The following MEIKIN variants were observed in gnomAD, a reference collection of about 807,000 sequenced individuals.
MEIKIN encodes meiotic kinetochore factor, also known as meiosis-specific kinetochore protein.
chr5:131,901,838 A>T (rs984353674), intron 8 of MEIKIN, among the ~76,000 whole-genome samples: 3 of 152,184 alleles, frequency 2.0e-5, no homozygotes, highest in Non-Finnish European at 2.9e-5. Flanking sequence ...AGAAAAAAAA[A>T]TCCAAAGGGC....
chr5:131,908,241 G>C (rs1000094942), intron 8 of MEIKIN, among the ~76,000 whole-genome samples: 1 of 152,118 alleles, frequency 6.6e-6, no homozygotes, highest in Admixed American at 6.6e-5. Context: ...TCCAGACCAA[G>C]TGAGATTTAC....
intron 8 of MEIKIN, among the ~76,000 whole-genome samples, chr5:131,904,983 CG>C (rs1472941491): frequency 6.6e-6 from 1 of 151,910 alleles, no homozygotes; most frequent in East Asian, 1.9e-4. Flanking sequence ...CAGGGCCTGT[CG>C]GGGGGTTGGA....
Position 131,917,418 on chromosome 5 carries a change from T to C in MEIKIN, c.599-493A>G, listed in dbSNP as rs1471214745. Among the ~76,000 whole-genome samples the C allele has an allele frequency of 2.0e-5, 3 of 151,828 alleles. No individual in the cohort carries two copies. The East Asian group carries it at 5.8e-4, about 29-fold the overall frequency. On this transcript the variant is annotated intron_variant, in intron 6 of 12. Coordinates refer to ENST00000442687, the MANE Select transcript of MEIKIN (RefSeq NM_001303622.2). ...CCATCTCTACTAAAAACACAAAAAT[T>C]AGCCGGCCGTGGCAGCATATGCCTG... is the stretch of plus-strand genomic sequence containing the variant.
At chr5:131,888,485 T>C (rs1750842757) in intron 8 of MEIKIN, among the ~76,000 whole-genome samples, 1 of 152,250 alleles carries the variant, frequency 6.6e-6, no homozygotes, top group Non-Finnish European at 1.5e-5. Flanking sequence ...TTTTCATGTG[T>C]CCGTTGGCTG....
chr5:131,913,278 G>T (rs1389813329), intron 7 of MEIKIN, among the ~76,000 whole-genome samples: 2 of 152,156 alleles, frequency 1.3e-5, no homozygotes, highest in South Asian at 2.1e-4. Context: ...CTTTCAAGAT[G>T]ATCATAATTA....
chr5:131,913,861 T>A (rs1751366633), intron 7 of MEIKIN, among the ~76,000 whole-genome samples: 1 of 152,238 alleles, frequency 6.6e-6, no homozygotes, highest in African/African-American at 2.4e-5. Flanking sequence ...TACAGAGTTC[T>A]ACTATTAGCC....
intron 7 of MEIKIN, among the ~76,000 whole-genome samples, chr5:131,913,909 G>A (rs899632588): frequency 1.3e-5 from 2 of 152,148 alleles, no homozygotes; most frequent in African/African-American, 2.4e-5. Context: ...TCCAAAATTC[G>A]TGTTGAAATT....
intron 9 of MEIKIN, among the ~76,000 whole-genome samples, chr5:131,872,793 T>A (rs1014692091): frequency 6.8e-6 from 1 of 147,066 alleles, no homozygotes. Flanking sequence ...GACTAACAGC[T>A]GATCTCTCGG....
intron 12 of MEIKIN, among the ~76,000 whole-genome samples, chr5:131,808,025 G>A (rs747207575): frequency 9.8e-4 from 150 of 152,304 alleles, no homozygotes; most frequent in Non-Finnish European, 1.4e-3. Context: ...GGGGTCCATG[G>A]ACCAGTTATG....
chr5:131,905,863 A>G (rs771719666), intron 8 of MEIKIN, among the ~76,000 whole-genome samples: 1 of 152,148 alleles, frequency 6.6e-6, no homozygotes, highest in Non-Finnish European at 1.5e-5. Context: ...CTTACACCAT[A>G]AACAGAAATT....
intron 8 of MEIKIN, among the ~76,000 whole-genome samples, chr5:131,885,368 AGAGAGAGAGAGAGAGAGAG>A (rs1750770911): frequency 4.3e-4 from 17 of 39,458 alleles, no homozygotes; most frequent in African/African-American, 1.2e-3. Context: ...AGAGAGAGAG[AGAGAGAGAGAGAGAGAGAG>A]AGAGAGAGAG....
chr5:131,889,243 T>G (rs1750862145), intron 8 of MEIKIN, among the ~76,000 whole-genome samples: 1 of 152,224 alleles, frequency 6.6e-6, no homozygotes, highest in South Asian at 2.1e-4. Flanking sequence ...TCCAGTTCTG[T>G]GAAGAAAGTC....
chr5:131,884,317 C>G (rs4425498), intron 8 of MEIKIN, among the ~76,000 whole-genome samples: 130,292 of 152,030 alleles, frequency 0.86, 55,928 homozygotes, highest in Admixed American at 0.89. Context: ...AGAGAAAAGA[C>G]TAAAGAGGAC....
At chr5:131,815,792 G>A (rs1020581493) in intron 12 of MEIKIN, among the ~76,000 whole-genome samples, 3 of 152,202 alleles carry the variant, frequency 2.0e-5, no homozygotes, top group Admixed American at 6.5e-5. Flanking sequence ...ATGCAGGACT[G>A]CTAATGGCCC....
intron 6 of MEIKIN, among the ~76,000 whole-genome samples, chr5:131,918,517 A>C (rs1249835853): frequency 6.6e-6 from 1 of 152,184 alleles, no homozygotes; most frequent in Non-Finnish European, 1.5e-5. Flanking sequence ...ACTTTCCAAT[A>C]AAGGACCCCT....
intron 8 of MEIKIN, among the ~76,000 whole-genome samples, chr5:131,897,171 G>T (rs1210787094): frequency 6.6e-6 from 1 of 152,136 alleles, no homozygotes; most frequent in African/African-American, 2.4e-5. Flanking sequence ...TGAAATTCTG[G>T]GTTGAAAATT....
Position 131,845,272 on chromosome 5 carries a change from T to TAAAA in MEIKIN, c.975+5988_975+5991dup, listed in dbSNP as rs1158220526. On this transcript the variant is annotated intron_variant, in intron 11 of 12. Coordinates refer to ENST00000442687, the MANE Select transcript of MEIKIN (RefSeq NM_001303622.2). ...GTGACAGAGCGAGAAGACTTCGTCTTAAAAAAAAAAAAAAAAAAAAAAAAA... is the reference window on the plus strand; with the variant it reads ...GTGACAGAGCGAGAAGACTTCGTCTTAAAAAAAAAAAAAAAAAAAAAAAAAAAAA... 9.9e-4 allele frequency among the ~76,000 whole-genome samples: 45 copies of TAAAA among 45,352 alleles called. 1 individual carries two copies. Among genetic ancestry groups the TAAAA allele is most frequent in the African/African-American group, 4.5e-3 (32 of 7,162 alleles). 29.8% of individuals were successfully genotyped at this position (45,352 alleles called of 152,430 possible).
intron 10 of MEIKIN, among the ~76,000 whole-genome samples, chr5:131,853,815 G>T (rs1180773723): frequency 1.3e-5 from 2 of 152,032 alleles, no homozygotes; most frequent in Non-Finnish European, 2.9e-5. Context: ...ACATCCATAA[G>T]AACTACTATT....
chr5:131,896,098 T>C (rs558739584), intron 8 of MEIKIN, among the ~76,000 whole-genome samples: 81 of 152,344 alleles, frequency 5.3e-4, no homozygotes, highest in African/African-American at 1.7e-3. Context: ...TTTGTTCTCA[T>C]TAGTTTCAAA....
Sources: gnomAD v4.1 joint callset for allele counts (sites outside exome capture counted in the v4.1 genomes callset) on GRCh38, gnomAD v4.1.1 for gene constraint, MANE v1.5 for transcripts, NCBI Gene and HGNC (gene_info 2026-07-23, HGNC 2026-07-21) for gene names.